The following MYCT1 variants were observed in gnomAD, a reference collection of about 807,000 sequenced individuals.
The protein encoded by MYCT1 is MYC target 1.
Under a neutral mutation model 15.0 loss-of-function variants are expected in MYCT1, and 12 were observed. The observed-to-expected ratio is 0.80, with a 90% CI of 0.51 to 1.29. The LOEUF (loss-of-function observed/expected upper bound fraction) is 1.29, where lower values mean the gene tolerates loss of function less well. Among genes scored for constraint, MYCT1 ranks in the 50% most tolerant of loss-of-function variants. The pLI is 0.00. For synonymous variants in MYCT1, 104 were observed against 102.7 expected (o/e 1.01, Z -0.07); for missense variants, 287 against 279.1 (o/e 1.03, Z -0.20).
chr6:152,720,558 T>G (rs1175131145), intron 1 of MYCT1, among the ~76,000 whole-genome samples: 1 of 152,176 alleles, frequency 6.6e-6, no homozygotes, highest in African/African-American at 2.4e-5. Context: ...TATTTTTGTC[T>G]AGGAAATGTA....
At position 152,724,121 on chromosome 6, in the gene MYCT1, A is replaced by T. The variant is rs567234059; in HGVS notation, c.*1868A>T. ...AGAGGGAGCAAGAAGAAAATGGAAG[A>T]AAAAGGGAAAAAAGCTAACCGGATA... On this transcript the variant is annotated 3_prime_UTR_variant, in exon 2 of 2. Transcript: ENST00000367245. 6.6e-6 allele frequency: 1 copy of T among 152,296 alleles called. No homozygotes were observed. The highest frequency in any genetic ancestry group is 1.5e-5 in the Non-Finnish European group (1 of 68,028). The allele number at this position is 152,296 out of a possible 1,614,324, so 9.4% of individuals were successfully genotyped here.
intron 1 of MYCT1, among the ~76,000 whole-genome samples, chr6:152,718,833 A>G (rs2099724202): frequency 6.6e-6 from 1 of 151,878 alleles, no homozygotes. Context: ...CTCTTTTTAC[A>G]TTTTATCTAT....
At chr6:152,740,770 T>A in the MYCT1 span, among the ~76,000 whole-genome samples, 1 of 152,112 alleles carries the variant, frequency 6.6e-6, no homozygotes, top group Non-Finnish European at 1.5e-5. Flanking sequence ...AAAAACTAAT[T>A]TTTTTATATA....
At chr6:152,737,720 A>G in the MYCT1 span, among the ~76,000 whole-genome samples, 1 of 152,128 alleles carries the variant, frequency 6.6e-6, no homozygotes, top group African/African-American at 2.4e-5. Context: ...ATTTACTACT[A>G]GAAATCAGTA....
the MYCT1 span, among the ~76,000 whole-genome samples, chr6:152,742,512 G>A: frequency 2.0e-5 from 3 of 152,040 alleles, no homozygotes. Context: ...AGAGCAATAG[G>A]GAACCACAGA....
chr6:152,734,385 C>T, the MYCT1 span, among the ~76,000 whole-genome samples: 1 of 152,152 alleles, frequency 6.6e-6, no homozygotes, highest in Non-Finnish European at 1.5e-5. Context: ...CCAAAAGTTT[C>T]GGAAGTGAGG....
intron 1 of MYCT1, among the ~76,000 whole-genome samples, chr6:152,703,386 T>C (rs2099721670): frequency 6.6e-6 from 1 of 152,214 alleles, no homozygotes; most frequent in Admixed American, 6.5e-5. Flanking sequence ...CAACATTTTA[T>C]TATGAAAATG....
intron 1 of MYCT1, among the ~76,000 whole-genome samples, chr6:152,714,238 A>G (rs908481539): frequency 7.8e-6 from 1 of 128,786 alleles, no homozygotes; most frequent in African/African-American, 2.8e-5. Context: ...TCCAATTAGT[A>G]TTTTATTCAT....
At chr6:152,703,043 T>C (rs1043486931) in intron 1 of MYCT1, among the ~76,000 whole-genome samples, 2 of 152,224 alleles carry the variant, frequency 1.3e-5, no homozygotes, top group African/African-American at 4.8e-5. Context: ...CTGTCCTTTC[T>C]CTGATAGCTT....
the MYCT1 span, among the ~76,000 whole-genome samples, chr6:152,733,908 T>C: frequency 6.6e-6 from 1 of 152,112 alleles, no homozygotes; most frequent in Admixed American, 6.6e-5. Flanking sequence ...ATTTCCACTG[T>C]TTTTATGGCA....
At chr6:152,732,465 A>T in the MYCT1 span, among the ~76,000 whole-genome samples, 8 of 152,242 alleles carry the variant, frequency 5.3e-5, no homozygotes, top group East Asian at 1.5e-3. Flanking sequence ...CTCTGATTCA[A>T]AATAAGTTCA....
rs141622955 is a variant in MYCT1 at position 152,714,080 on chromosome 6, C to T, written c.197-7662C>T. On this transcript the variant is annotated intron_variant, in intron 1 of 1. Coordinates refer to ENST00000367245, the MANE Select transcript of MYCT1 (RefSeq NM_025107.3). ...CATAAAAGCTGATTTGGAATCCTAGCTTGATGTTTTTATTGCCTGTATCTG... is the reference window on the plus strand; with the variant it reads ...CATAAAAGCTGATTTGGAATCCTAGTTTGATGTTTTTATTGCCTGTATCTG... Among the ~76,000 whole-genome samples the T allele has an allele frequency of 2.0e-3, 301 of 152,074 alleles. 3 individuals are homozygous for T. The highest frequency in any genetic ancestry group is 0.018 in the South Asian group (89 of 4,814).
the MYCT1 span, among the ~76,000 whole-genome samples, chr6:152,745,986 A>T: frequency 1.3e-5 from 2 of 152,170 alleles, no homozygotes; most frequent in Non-Finnish European, 2.9e-5. Flanking sequence ...TCTGTCATCC[A>T]TCCCTTCCAC....
At chr6:152,724,598 A>G (rs1268492613), downstream of MYCT1, 5 of 152,202 alleles carry the variant, frequency 3.3e-5, no homozygotes. Context: ...TTATGAAATA[A>G]TGCCAACACT....
At chr6:152,707,659 A>G (rs981987956) in intron 1 of MYCT1, among the ~76,000 whole-genome samples, 2 of 151,630 alleles carry the variant, frequency 1.3e-5, no homozygotes, top group Non-Finnish European at 2.9e-5. Context: ...ATCCAGTTTG[A>G]CTTGATTTTT....
chr6:152,738,849 G>A, the MYCT1 span, among the ~76,000 whole-genome samples: 1 of 152,096 alleles, frequency 6.6e-6, no homozygotes, highest in Non-Finnish European at 1.5e-5. Context: ...CAAAATTTTA[G>A]TTTTGTTTTT....
chr6:152,719,851 A>G (rs2099724374), intron 1 of MYCT1, among the ~76,000 whole-genome samples: 1 of 152,202 alleles, frequency 6.6e-6, no homozygotes, highest in African/African-American at 2.4e-5. Context: ...CTTTATATAT[A>G]TGTATAATGA....
At chr6:152,746,233 A>G in the MYCT1 span, among the ~76,000 whole-genome samples, 24 of 152,362 alleles carry the variant, frequency 1.6e-4, no homozygotes, top group Admixed American at 4.6e-4. Flanking sequence ...GGCTGGTTGC[A>G]TGGAATGTGT....
Position 152,722,860 on chromosome 6 carries a change from C to A in MYCT1, c.*607C>A. The A allele has an allele frequency of 3.9e-6, 1 of 257,908 alleles. No homozygotes were observed. The highest frequency in any genetic ancestry group is 7.7e-6 in the Non-Finnish European group (1 of 129,576). 16.0% of individuals were successfully genotyped at this position (257,908 alleles called of 1,614,324 possible). ...CTCAAGTAATCCTCCCATCTTAGTGCCCCAAGTAGCTGGGACTACAGGGGT... is the reference window on the plus strand; with the variant it reads ...CTCAAGTAATCCTCCCATCTTAGTGACCCAAGTAGCTGGGACTACAGGGGT... On this transcript the variant is annotated 3_prime_UTR_variant, in exon 2 of 2. Transcript: ENST00000367245.
Sources: gnomAD v4.1 joint callset for allele counts (sites outside exome capture counted in the v4.1 genomes callset) on GRCh38, gnomAD v4.1.1 for gene constraint, MANE v1.5 for transcripts, NCBI Gene and HGNC (gene_info 2026-07-23, HGNC 2026-07-21) for gene names.